The following CHST8 variants were observed in gnomAD, a reference collection of about 807,000 sequenced individuals.
CHST8 encodes carbohydrate sulfotransferase 8, also known as GALNAC-4-ST1.
In CHST8, 10 loss-of-function variants were observed where a neutral mutation model predicts 15.0. That is an observed-to-expected ratio of 0.67 (90% confidence interval 0.41 to 1.13). The LOEUF (loss-of-function observed/expected upper bound fraction) is 1.13. Among genes scored for constraint, CHST8 ranks in the 50% most tolerant of loss-of-function variants. The pLI, the probability that CHST8 is intolerant of heterozygous loss-of-function variation, is 0.00. For missense variants in CHST8, 634 were observed against 608.2 expected, an observed-to-expected ratio of 1.04 and a Z score of -0.45; for synonymous variants, 259 against 256.6, an observed-to-expected ratio of 1.01 and a Z score of -0.09.
chr19:33,627,916 C>T (rs1163603822), intron 1 of CHST8, among the ~76,000 whole-genome samples: 2 of 152,172 alleles, frequency 1.3e-5, no homozygotes, highest in Non-Finnish European at 2.9e-5. Context: ...TTCACTAATT[C>T]ATTTTCTGCC....
chr19:33,669,694 A>G (rs1972710846), intron 2 of CHST8, among the ~76,000 whole-genome samples: 1 of 152,184 alleles, frequency 6.6e-6, no homozygotes, highest in South Asian at 2.1e-4. Flanking sequence ...TTAACTTGGC[A>G]AAGAAACTGT....
chr19:33,767,175 G>A (rs1282645702), intron 3 of CHST8, among the ~76,000 whole-genome samples: 2 of 152,042 alleles, frequency 1.3e-5, no homozygotes, highest in Non-Finnish European at 2.9e-5. Context: ...GGGAGGCCAA[G>A]GGCTCATTCG....
chr19:33,656,010 A>G lies in CHST8; in HGVS notation c.-163-11757A>G, dbSNP rs564560763. ...CTTTACGAATAAAACATTTAAACTG[A>G]TGACGCTTCCTCTGAGTACAGTTCT... On this transcript the variant is annotated intron_variant, in intron 1 of 4. Coordinates refer to ENST00000650847, the MANE Select transcript of CHST8 (RefSeq NM_001127895.2). Among the ~76,000 whole-genome samples the G allele has an allele frequency of 6.6e-4, 101 of 152,308 alleles. 1 individual carries two copies. The Middle Eastern group carries it at 0.017, about 26-fold the overall frequency.
At position 33,771,450 on chromosome 19, in the gene CHST8, C is replaced by A; in HGVS notation, c.168C>A (p.His56Gln). Residue 56 changes from histidine to glutamine, a missense_variant and splice_region_variant, in exon 4 of 5, where the codon CAC (histidine) becomes CAA (glutamine). Physicochemically the swap from His to Gln is conservative, Grantham distance 24. Coordinates refer to ENST00000650847, the MANE Select transcript of CHST8 (RefSeq NM_001127895.2). ...ACATCAGGCCAAGGCAGCCCCACCA[C>A]GTAAGTTCTGAGAGTCAGATAAATC... is the stretch of plus-strand genomic sequence containing the variant. ...KFNIRPRQPH[H>Q]DLPPGGSQDG... 6.2e-7 allele frequency: 1 copy of A among 1,614,070 alleles called. No homozygotes were observed. The highest frequency in any genetic ancestry group is 8.5e-7 in the Non-Finnish European group (1 of 1,179,948).
intron 3 of CHST8, among the ~76,000 whole-genome samples, chr19:33,770,801 C>T (rs1469850682): frequency 6.6e-6 from 1 of 152,180 alleles, no homozygotes; most frequent in Admixed American, 6.5e-5. Context: ...ATGCTTAGCT[C>T]ACCCCAGAAC....
intron 3 of CHST8, among the ~76,000 whole-genome samples, chr19:33,731,006 C>T (rs974201759): frequency 1.3e-5 from 2 of 152,176 alleles, no homozygotes; most frequent in Non-Finnish European, 2.9e-5. Context: ...TTATTCTAGC[C>T]GTGCTTGCAA....
intron 1 of CHST8, among the ~76,000 whole-genome samples, chr19:33,659,872 TC>T (rs1477610154): frequency 1.3e-5 from 2 of 152,212 alleles, no homozygotes; most frequent in Admixed American, 1.3e-4. Flanking sequence ...CAAGTCCCCT[TC>T]TTTTGCCCTA....
At chr19:33,636,465 T>C (rs753615059) in intron 1 of CHST8, among the ~76,000 whole-genome samples, 1 of 152,132 alleles carries the variant, frequency 6.6e-6, no homozygotes, top group Non-Finnish European at 1.5e-5. Flanking sequence ...CGTGAGTGCC[T>C]GAGTCTTTGT....
At chr19:33,757,528 GA>G (rs754266882) in intron 3 of CHST8, among the ~76,000 whole-genome samples, 27 of 30,818 alleles carry the variant, frequency 8.8e-4, no homozygotes, top group East Asian at 1.4e-3. Flanking sequence ...GAAAGAGAAA[GA>G]AAGAAAGAAA....
At position 33,668,016 on chromosome 19, in the gene CHST8, A is replaced by G. The variant is rs886315836; in HGVS notation, c.-87+173A>G. 4.6e-5 allele frequency among the ~76,000 whole-genome samples: 7 copies of G among 152,136 alleles called. No individual in the cohort carries two copies. In the East Asian group the frequency reaches 1.2e-3, roughly 25 times the overall value. On this transcript the variant is annotated intron_variant, in intron 2 of 4. Coordinates refer to ENST00000650847, the MANE Select transcript of CHST8 (RefSeq NM_001127895.2). ...TCGGCTGTTTTTAGAGTCACTTCATATCCTAAAACAACAGGGCCTGAGGAA... is the reference window on the plus strand; with the variant it reads ...TCGGCTGTTTTTAGAGTCACTTCATGTCCTAAAACAACAGGGCCTGAGGAA...
chr19:33,694,198 A>G (rs1231092088), intron 3 of CHST8, among the ~76,000 whole-genome samples: 4 of 111,302 alleles, frequency 3.6e-5, no homozygotes, highest in Non-Finnish European at 7.3e-5. Context: ...ATATATATAT[A>G]TATATATATA....
In CHST8 at chr19:33,701,195, G is replaced by A. The variant is rs189167624; in HGVS notation, c.130+11804G>A. Among the ~76,000 whole-genome samples the A allele has an allele frequency of 1.0e-2, 1,516 of 152,122 alleles. 25 individuals carry two copies. Among genetic ancestry groups the A allele is most frequent in the African/African-American group, 0.033 (1,384 of 41,452 alleles). ...TTCAAGCCTCTCTCACCTGAGCCCAGGCCGTTCCCCTTAGCAGTGCCATCC... is the reference window on the plus strand; with the variant it reads ...TTCAAGCCTCTCTCACCTGAGCCCAAGCCGTTCCCCTTAGCAGTGCCATCC... On this transcript the variant is annotated intron_variant, in intron 3 of 4. Coordinates refer to ENST00000650847, the MANE Select transcript of CHST8 (RefSeq NM_001127895.2).
intron 3 of CHST8, among the ~76,000 whole-genome samples, chr19:33,750,039 C>T (rs1416273386): frequency 6.6e-6 from 1 of 152,156 alleles, no homozygotes; most frequent in African/African-American, 2.4e-5. Flanking sequence ...GCTGGGAGAC[C>T]GAAACGCCCT....
At chr19:33,623,636 T>TTA (rs1445239415) in intron 1 of CHST8, among the ~76,000 whole-genome samples, 62 of 152,274 alleles carry the variant, frequency 4.1e-4, no homozygotes, top group Non-Finnish European at 1.6e-4. Context: ...TGCCTACCTG[T>TTA]GGGGAAGTCT....
intron 3 of CHST8, among the ~76,000 whole-genome samples, chr19:33,734,507 C>T (rs556264092): frequency 1.3e-5 from 2 of 152,200 alleles, no homozygotes; most frequent in Non-Finnish European, 2.9e-5. Context: ...AATGGGGACC[C>T]ACACTGTGTG....
intron 3 of CHST8, among the ~76,000 whole-genome samples, chr19:33,719,204 T>G (rs1599581601): frequency 7.2e-6 from 1 of 138,580 alleles, no homozygotes; most frequent in Admixed American, 7.4e-5. Context: ...GTAAAATGTT[T>G]ACACCTCCCT....
intron 3 of CHST8, among the ~76,000 whole-genome samples, chr19:33,723,833 C>T (rs1336746867): frequency 6.6e-6 from 1 of 152,202 alleles, no homozygotes; most frequent in African/African-American, 2.4e-5. Context: ...CCGCCATTGT[C>T]ACCCCATTGT....
chr19:33,718,722 A>G (rs1241833673), intron 3 of CHST8, among the ~76,000 whole-genome samples: 1 of 152,192 alleles, frequency 6.6e-6, no homozygotes, highest in Non-Finnish European at 1.5e-5. Flanking sequence ...GTTTACCCAG[A>G]ATCCTCCTGG....
chr19:33,724,489 G>A (rs540719600), intron 3 of CHST8, among the ~76,000 whole-genome samples: 16 of 152,324 alleles, frequency 1.1e-4, no homozygotes, highest in Non-Finnish European at 1.6e-4. Flanking sequence ...GCTGGCAGCC[G>A]GGCTGCTCTT....
Sources: gnomAD v4.1 joint callset for allele counts (sites outside exome capture counted in the v4.1 genomes callset) on GRCh38, gnomAD v4.1.1 for gene constraint, MANE v1.5 for transcripts, NCBI Gene and HGNC (gene_info 2026-07-23, HGNC 2026-07-21) for gene names.